WHRN: variants seen among roughly 807,000 people sequenced by gnomAD.
WHRN encodes the protein CASK-interacting protein CIP98.
In WHRN, 41 loss-of-function variants were observed where a neutral mutation model predicts 68.3. The observed-to-expected ratio is 0.60, with a 90% confidence interval of 0.47 to 0.78. WHRN has a LOEUF of 0.78. WHRN is among the 30% of genes least tolerant of loss of function. The pLI, the probability that WHRN is intolerant of heterozygous loss-of-function variation, is 0.00. For missense variants in WHRN, 1,243 were observed against 1,244.7 expected, an observed-to-expected ratio of 1.00 and a Z score of 0.02; for synonymous variants, 560 against 561.3, an observed-to-expected ratio of 1.00 and a Z score of 0.03.
intron 3 of WHRN, among the ~76,000 whole-genome samples, chr9:114,464,352 C>T (rs758090159): frequency 4.6e-5 from 7 of 152,090 alleles, no homozygotes; most frequent in Non-Finnish European, 8.8e-5. Context: ...CAGAAATTTA[C>T]ATCTCACAGT....
At chr9:114,457,776 C>T (rs939756008) in intron 3 of WHRN, among the ~76,000 whole-genome samples, 50 of 152,184 alleles carry the variant, frequency 3.3e-4, no homozygotes, top group African/African-American at 1.2e-3. Context: ...ATTAGCCAGG[C>T]ATGGTGGCAG....
rs186902708 is a variant in WHRN at position 114,406,979 on chromosome 9, C to T, written c.1699-87G>A. On this transcript the variant is annotated intron_variant, in intron 8 of 11. Coordinates refer to ENST00000362057, the MANE Select transcript of WHRN (RefSeq NM_015404.4). ...GCCGAGCAGCTGAGTGGTGCCAGGC[C>T]CAGCTGGAATTCTGTCCCCACTCTA... 2.8e-4 allele frequency: 422 copies of T among 1,481,320 alleles called. 1 individual carries two copies. In the African/African-American group the frequency reaches 5.4e-3, roughly 19 times the overall value. 91.8% of individuals were successfully genotyped at this position (1,481,320 alleles called of 1,614,324 possible). A position where few individuals can be genotyped will look rare whatever the true frequency, so the allele number is the denominator to read the frequency against.
chr9:114,434,230 T>C lies in WHRN; in HGVS notation c.964-7817A>G, dbSNP rs150793033. Among the ~76,000 whole-genome samples the C allele has an allele frequency of 3.9e-3, 588 of 152,280 alleles. 8 individuals are homozygous for C. The highest frequency in any genetic ancestry group is 0.033 in the South Asian group (160 of 4,816). On this transcript the variant is annotated intron_variant, in intron 3 of 11. Transcript: ENST00000362057. ...CCTGAGACATGGAAGGGTCCGTGTT[T>C]CATAGATGACAGCAGTGAGGCTCAG...
At chr9:114,409,781 G>C (rs1388535258) in intron 7 of WHRN, among the ~76,000 whole-genome samples, 1 of 151,756 alleles carries the variant, frequency 6.6e-6, no homozygotes, top group African/African-American at 2.4e-5. Context: ...TGCTCGACAA[G>C]GTGTACCCTC....
intron 3 of WHRN, among the ~76,000 whole-genome samples, chr9:114,457,553 A>G (rs1299475000): frequency 6.6e-6 from 1 of 152,090 alleles, no homozygotes; most frequent in Non-Finnish European, 1.5e-5. Flanking sequence ...GGAATAGAAA[A>G]TCACCCTTAG....
rs1202548159 is a variant in WHRN, at chr9:114,405,068, CTCTTTT to C, written c.2237-997_2237-992del. ...AGAAATTACTACTTTCTCTCTCTCT[CTCTTTT>C]TTTTTTTTTTTTTTTTTTGAGACAG... On this transcript the variant is annotated intron_variant, in intron 9 of 11. Transcript: ENST00000362057. Among the ~76,000 whole-genome samples the C allele has an allele frequency of 3.8e-3, 427 of 112,418 alleles. 2 individuals carry two copies. The highest frequency in any genetic ancestry group is 6.6e-3 in the Non-Finnish European group (359 of 54,238). The allele number at this position is 112,418 out of a possible 152,430, so 73.8% of individuals were successfully genotyped here. A position where few individuals can be genotyped will look rare whatever the true frequency, so the allele number is the denominator to read the frequency against.
At chr9:114,469,089 T>C (rs1488049329) in intron 2 of WHRN, among the ~76,000 whole-genome samples, 1 of 152,182 alleles carries the variant, frequency 6.6e-6, no homozygotes, top group African/African-American at 2.4e-5. Context: ...CTGTGAGGGA[T>C]GAATGGGTCC....
intron 8 of WHRN, among the ~76,000 whole-genome samples, chr9:114,407,672 C>T (rs1835135464): frequency 6.9e-6 from 1 of 144,140 alleles, no homozygotes; most frequent in Non-Finnish European, 1.6e-5. Context: ...GAAACTGAGG[C>T]ACAGAGAGGC....
intron 2 of WHRN, among the ~76,000 whole-genome samples, chr9:114,469,246 G>A (rs1449942812): frequency 1.3e-5 from 2 of 152,222 alleles, no homozygotes; most frequent in Non-Finnish European, 2.9e-5. Context: ...GATGATGACT[G>A]TGGGCTGCTG....
rs992109048 is a variant in WHRN at position 114,504,570 on chromosome 9, G to A, written c.232C>T (p.Leu78=). 6.2e-7 allele frequency: 1 copy of A among 1,611,508 alleles called. No individual in the cohort carries two copies. Among genetic ancestry groups the A allele is most frequent in the Non-Finnish European group, 8.5e-7 (1 of 1,179,788 alleles). ...ACCGGACTGTCCAGCAGCACGCGCAGGGTGCGCACCAGGTCGAAGACGTTG... is the reference window on the plus strand; with the variant it reads ...ACCGGACTGTCCAGCAGCACGCGCAAGGTGCGCACCAGGTCGAAGACGTTG... ...RRNVFDLVRT[L]RVLLDSPVKR... The change falls in exon 1 of 12, where the codon CTG becomes TTG. Residue 78 remains leucine, a synonymous_variant. Transcript: ENST00000362057.
At chr9:114,468,626 G>T (rs571992045) in intron 2 of WHRN, among the ~76,000 whole-genome samples, 19 of 152,230 alleles carry the variant, frequency 1.2e-4, no homozygotes, top group African/African-American at 3.8e-4. Flanking sequence ...AGCTGCCTTA[G>T]TCCAGGACCA....
chr9:114,417,872 C>T (rs140232185), intron 7 of WHRN, among the ~76,000 whole-genome samples: 320 of 152,356 alleles, frequency 2.1e-3, no homozygotes, highest in African/African-American at 7.4e-3. Flanking sequence ...TATTTTCCAG[C>T]ACCTCCTGAT....
rs578214988 is a variant in WHRN at position 114,463,050 on chromosome 9, C to T, written c.963+3217G>A. On this transcript the variant is annotated intron_variant, in intron 3 of 11. Coordinates refer to ENST00000362057, the MANE Select transcript of WHRN (RefSeq NM_015404.4). ...AGGGTACTCACCACCAACAACGTTACGTAAGCTGTTCATGCATTTATGTCA... is the reference window on the plus strand; with the variant it reads ...AGGGTACTCACCACCAACAACGTTATGTAAGCTGTTCATGCATTTATGTCA... Among the ~76,000 whole-genome samples, 18 of 152,324 alleles carry T rather than the reference C, an allele frequency of 1.2e-4. No homozygotes were observed. In the South Asian group the frequency reaches 2.1e-3, roughly 18 times the overall value.
At chr9:114,457,348 A>C (rs1448687440) in intron 3 of WHRN, among the ~76,000 whole-genome samples, 3 of 152,174 alleles carry the variant, frequency 2.0e-5, no homozygotes, top group African/African-American at 7.2e-5. Context: ...ATAAATAAGC[A>C]TATCAAATGT....
At chr9:114,430,576 G>A (rs897003076) in intron 3 of WHRN, among the ~76,000 whole-genome samples, 16 of 152,088 alleles carry the variant, frequency 1.1e-4, no homozygotes, top group South Asian at 2.1e-4. Context: ...AACCTGAGTC[G>A]CAGGAATTAC....
chr9:114,444,379 T>C (rs530645263), intron 3 of WHRN, among the ~76,000 whole-genome samples: 1 of 152,192 alleles, frequency 6.6e-6, no homozygotes, highest in Non-Finnish European at 1.5e-5. Context: ...AAATACTGCA[T>C]GGTATATCCA....
At chr9:114,408,718 A>G (rs1163094880) in intron 7 of WHRN, among the ~76,000 whole-genome samples, 1 of 152,224 alleles carries the variant, frequency 6.6e-6, no homozygotes, top group Admixed American at 6.5e-5. Flanking sequence ...TGTGATGATT[A>G]GCTTCGCGTG....
intron 3 of WHRN, among the ~76,000 whole-genome samples, chr9:114,435,537 A>T (rs1218413379): frequency 6.6e-6 from 1 of 152,146 alleles, no homozygotes; most frequent in Non-Finnish European, 1.5e-5. Flanking sequence ...CAGGAATCAC[A>T]CTCTGGGAAA....
At chr9:114,471,584 C>T (rs1398445722) in intron 2 of WHRN, among the ~76,000 whole-genome samples, 3 of 152,240 alleles carry the variant, frequency 2.0e-5, no homozygotes, top group Admixed American at 2.0e-4. Flanking sequence ...ATTGTGCAAC[C>T]TGCCGGGGGC....
Sources: allele counts gnomAD v4.1 joint callset (sites outside exome capture counted in the v4.1 genomes callset), GRCh38; gene constraint gnomAD v4.1.1; transcripts MANE v1.5; gene names NCBI Gene and HGNC (gene_info 2026-07-23, HGNC 2026-07-21).